Variants in TRAPPC9 observed in about 807,000 individuals in gnomAD.
TRAPPC9 encodes IKK2 binding protein.
In TRAPPC9, 83 loss-of-function variants were observed where a neutral mutation model predicts 124.0. The ratio of observed to expected loss-of-function variants is 0.67; its 90% CI spans 0.56 to 0.80. The LOEUF (loss-of-function observed/expected upper bound fraction) is 0.80, where lower values mean the gene tolerates loss of function less well. Ranked by LOEUF, TRAPPC9 falls within the 30% of genes least tolerant of loss-of-function variation. TRAPPC9 has a pLI of 0.00. For synonymous variants in TRAPPC9, 638 were observed against 617.5 expected (o/e 1.03, Z -0.49); for missense variants, 1,302 against 1,508.3 (o/e 0.86, Z 2.27).
At chr8:139,884,201 CAAGGGCAGTTCGTGCCCTGGG>C (rs1829857856) in intron 21 of TRAPPC9, among the ~76,000 whole-genome samples, 1 of 152,062 alleles carries the variant, frequency 6.6e-6, no homozygotes, top group African/African-American at 2.4e-5. Flanking sequence ...AGAACAGTGT[CAAGGGCAGTTCGTGCCCTGGG>C]AAGGGCATTG....
At chr8:140,077,112 G>A (rs1476938406) in intron 17 of TRAPPC9, among the ~76,000 whole-genome samples, 1 of 152,108 alleles carries the variant, frequency 6.6e-6, no homozygotes, top group African/African-American at 2.4e-5. Flanking sequence ...GATACAGTGA[G>A]CCTAGATTGT....
At chr8:139,789,372 G>A (rs544636512) in intron 21 of TRAPPC9, among the ~76,000 whole-genome samples, 17 of 152,302 alleles carry the variant, frequency 1.1e-4, no homozygotes, top group African/African-American at 4.1e-4. Context: ...GGATGTGGTC[G>A]AAGGGTGTGC....
chr8:139,947,907 T>TATAGAGAGAGAG, intron 19 of TRAPPC9, among the ~76,000 whole-genome samples: 1 of 60,336 alleles, frequency 1.7e-5, no homozygotes, highest in Non-Finnish European at 3.3e-5. Flanking sequence ...TATATATATA[T>TATAGAGAGAGAG]AGAGAGAGAG....
intron 17 of TRAPPC9, among the ~76,000 whole-genome samples, chr8:140,159,353 T>C (rs1168262242): frequency 6.6e-6 from 1 of 152,218 alleles, no homozygotes; most frequent in Non-Finnish European, 1.5e-5. Context: ...AATAGTGCCT[T>C]GCACAGAGCA....
Position 140,257,092 on chromosome 8 carries a change from G to C in TRAPPC9, c.2279-4163C>G, listed in dbSNP as rs1222339341. ...TATGCTAAGGCCAGAGGAGGCATGA[G>C]TCTCCGCCATAGTGCAGAGTAGTTA... On this transcript the variant is annotated intron_variant, in intron 15 of 22. Transcript: ENST00000438773. The surrounding 1 kb of genome is among the most constrained non-coding windows in gnomAD (Gnocchi z 4.6). Among the ~76,000 whole-genome samples the C allele has an allele frequency of 1.3e-5, 2 of 152,208 alleles. No homozygotes were observed. Among genetic ancestry groups the C allele is most frequent in the African/African-American group, 4.8e-5 (2 of 41,448 alleles).
At chr8:139,967,467 G>T (rs1440088181) in intron 19 of TRAPPC9, among the ~76,000 whole-genome samples, 1 of 152,248 alleles carries the variant, frequency 6.6e-6, no homozygotes, top group African/African-American at 2.4e-5. Flanking sequence ...AGTTCCTACT[G>T]TATTGGCCAC....
At chr8:140,239,865 G>A (rs2063818340) in intron 16 of TRAPPC9, among the ~76,000 whole-genome samples, 1 of 152,198 alleles carries the variant, frequency 6.6e-6, no homozygotes, top group Non-Finnish European at 1.5e-5. Flanking sequence ...TTCAGGATGA[G>A]TCACTGTTCT....
chr8:139,852,725 T>G (rs1349095732), intron 21 of TRAPPC9, among the ~76,000 whole-genome samples: 1 of 152,190 alleles, frequency 6.6e-6, no homozygotes, highest in Non-Finnish European at 1.5e-5. Flanking sequence ...GCTGGCATGG[T>G]CTCTGTTCTA....
intron 7 of TRAPPC9, among the ~76,000 whole-genome samples, chr8:140,388,847 C>T (rs1355536451): frequency 1.6e-5 from 1 of 61,030 alleles, no homozygotes; most frequent in African/African-American, 5.7e-5. Flanking sequence ...GAGACTCCAT[C>T]AAAAAAAAAA....
At chr8:139,743,707 T>C (rs527810403) in intron 21 of TRAPPC9, among the ~76,000 whole-genome samples, 2 of 152,304 alleles carry the variant, frequency 1.3e-5, no homozygotes, top group African/African-American at 4.8e-5. Flanking sequence ...AGCCAAGGTT[T>C]CCTGCCCTTC....
chr8:140,094,924 C>G (rs936029898), intron 17 of TRAPPC9: 20 of 152,218 alleles, frequency 1.3e-4, no homozygotes, highest in African/African-American at 4.8e-4. Context: ...TATTTCCTCA[C>G]CTGCAGTGGG....
chr8:140,455,412 CACA>C (rs1353503030), intron 1 of TRAPPC9, among the ~76,000 whole-genome samples: 1 of 151,776 alleles, frequency 6.6e-6, no homozygotes, highest in East Asian at 1.9e-4. Flanking sequence ...GGATTACAGG[CACA>C]ACATTATTCT....
chr8:140,212,897 G>GAAACCCC (rs1554644886), intron 17 of TRAPPC9, among the ~76,000 whole-genome samples: 7 of 150,760 alleles, frequency 4.6e-5, no homozygotes, highest in Non-Finnish European at 1.0e-4. Context: ...TGGCCAACAT[G>GAAACCCC]GTCTCTACAA....
intron 9 of TRAPPC9, among the ~76,000 whole-genome samples, chr8:140,331,912 T>C (rs895394536): frequency 1.3e-5 from 2 of 152,120 alleles, no homozygotes; most frequent in African/African-American, 4.8e-5. Context: ...GGAAAACAGT[T>C]TGAAGGTTCC....
At chr8:140,091,843 C>T (rs191504640) in intron 17 of TRAPPC9, among the ~76,000 whole-genome samples, 2 of 152,302 alleles carry the variant, frequency 1.3e-5, no homozygotes, top group Admixed American at 6.5e-5. Context: ...TCTCAACTGT[C>T]GGTGACTCCC....
intron 21 of TRAPPC9, among the ~76,000 whole-genome samples, chr8:139,799,279 T>C (rs145393085): frequency 1.3e-5 from 2 of 152,254 alleles, no homozygotes; most frequent in African/African-American, 4.8e-5. Context: ...TAATCCGGGA[T>C]AATCCACCCA....
intron 17 of TRAPPC9, among the ~76,000 whole-genome samples, chr8:140,091,829 C>T (rs935559991): frequency 6.6e-6 from 1 of 152,224 alleles, no homozygotes; most frequent in Admixed American, 6.5e-5. Flanking sequence ...ACCCAGCAGT[C>T]TCCTCTCAAC....
intron 19 of TRAPPC9, among the ~76,000 whole-genome samples, chr8:139,914,287 G>T (rs186565721): frequency 9.9e-4 from 151 of 152,376 alleles, no homozygotes; most frequent in Non-Finnish European, 1.9e-3. Context: ...GCTTGGCTGA[G>T]AGGCTCACAG....
chr8:140,444,355 TCTC>T (rs1462007019), intron 2 of TRAPPC9, among the ~76,000 whole-genome samples: 3 of 151,994 alleles, frequency 2.0e-5, no homozygotes, highest in Non-Finnish European at 4.4e-5. Context: ...CCAGCACCTC[TCTC>T]CTCAAGATGC....
Sources: allele counts gnomAD v4.1 joint callset (sites outside exome capture counted in the v4.1 genomes callset), GRCh38; gene constraint gnomAD v4.1.1; non-coding constraint Gnocchi (gnomAD v3.1); transcripts MANE v1.5; gene names NCBI Gene and HGNC (gene_info 2026-07-23, HGNC 2026-07-21).